Variants in FAF2 observed in about 807,000 individuals in gnomAD.
FAF2 encodes the protein Fas associated factor family member 2, also known as FAS-associated factor 2.
In FAF2, 9 loss-of-function variants were observed where a neutral mutation model predicts 62.3. The observed-to-expected ratio is 0.14, with a 90% CI of 0.09 to 0.25. FAF2 has a LOEUF of 0.25. Ranked by LOEUF, FAF2 falls within the 10% of genes least tolerant of loss-of-function variation. The pLI, the probability that FAF2 is intolerant of heterozygous loss-of-function variation, is 1.00. For synonymous variants in FAF2, 202 were observed against 198.0 expected (o/e 1.02, Z -0.17); for missense variants, 368 against 556.2 (o/e 0.66, Z 3.40).
In FAF2 at chr5:176,489,005, T is replaced by C; in HGVS notation, c.322T>C (p.Tyr108His). Residue 108 changes from tyrosine to histidine, a missense_variant, in exon 4 of 11, where the codon TAC (tyrosine) becomes CAC (histidine). This residue lies in a region of FAF2 where 331 missense variants were observed against 441.9 expected (regional missense o/e 0.75). Transcript: ENST00000261942. Reference sequence around the variant, plus strand: ...AATGCTTCCATTCCGGTTTACCTATTACACGATACTTGATATATTTAGGTA... The same window carrying C: ...AATGCTTCCATTCCGGTTTACCTATCACACGATACTTGATATATTTAGGTA... ...LIMLPFRFTY[Y>H]TILDIFRFAL... The C allele has an allele frequency of 6.2e-7, 1 of 1,613,724 alleles. No homozygotes were observed. The highest frequency in any genetic ancestry group is 8.5e-7 in the Non-Finnish European group (1 of 1,179,656).
intron 1 of FAF2, among the ~76,000 whole-genome samples, chr5:176,454,080 A>G (rs539094524): frequency 1.3e-4 from 20 of 150,184 alleles, no homozygotes; most frequent in African/African-American, 4.7e-4. Flanking sequence ...ACTATTATCT[A>G]GTTCACAACA....
At chr5:176,460,316 T>A (rs1758355748) in intron 1 of FAF2, among the ~76,000 whole-genome samples, 1 of 152,200 alleles carries the variant, frequency 6.6e-6, no homozygotes. Context: ...ATCCCCAGAC[T>A]GCTTTCCACA....
In FAF2 at chr5:176,448,439, A is replaced by G; in HGVS notation, c.32A>G (p.Gln11Arg). ...GCGCCTGAGGAGCGGGATCTAACCC[A>G]GGAGCAGACAGAGAAGCTGCTGCAG... MAAPEERDLT[Q>R]EQTEKLLQFQ... Residue 11 changes from glutamine (Q) to arginine (R), a missense_variant, in exon 1 of 11, where the codon CAG becomes CGG. Gln to Arg is a conservative substitution (Grantham distance 43). Coordinates refer to ENST00000261942, the MANE Select transcript of FAF2 (RefSeq NM_014613.3). 6.2e-7 allele frequency: 1 copy of G among 1,607,118 alleles called. No individual in the cohort carries two copies. The highest frequency in any genetic ancestry group is 8.5e-7 in the Non-Finnish European group (1 of 1,177,090).
intron 1 of FAF2, among the ~76,000 whole-genome samples, chr5:176,452,450 C>T (rs1429746038): frequency 3.9e-5 from 6 of 152,114 alleles, no homozygotes; most frequent in African/African-American, 1.4e-4. Flanking sequence ...TTACAAAGTA[C>T]CATAGGTGGT....
At chr5:176,487,417 A>G (rs1264013350) in intron 3 of FAF2, among the ~76,000 whole-genome samples, 2 of 151,992 alleles carry the variant, frequency 1.3e-5, no homozygotes, top group Non-Finnish European at 2.9e-5. Flanking sequence ...TCCTGAGCTC[A>G]AGTTATCTGC....
At position 176,502,720 on chromosome 5, in the gene FAF2, C is replaced by G. The variant is rs570351961; in HGVS notation, c.1155+2574C>G. The stretch of plus-strand genomic sequence containing the variant: ...TCATTAACTATTTGATCCTTGAAGA[C>G]TTTTAAATGGGTTCCTCACTAAAAG... On this transcript the variant is annotated intron_variant, in intron 10 of 10. Transcript: ENST00000261942. 2.0e-5 allele frequency among the ~76,000 whole-genome samples: 3 copies of G among 152,170 alleles called. No individual in the cohort carries two copies. In the East Asian group the frequency reaches 5.8e-4, roughly 30 times the overall value.
At chr5:176,481,130 T>C (rs547951223) in intron 2 of FAF2, among the ~76,000 whole-genome samples, 3 of 152,032 alleles carry the variant, frequency 2.0e-5, no homozygotes, top group Non-Finnish European at 2.9e-5. Context: ...CACTGCAACC[T>C]CCGCCTCCCG....
At chr5:176,466,267 C>CAAT in intron 1 of FAF2, among the ~76,000 whole-genome samples, 1 of 152,272 alleles carries the variant, frequency 6.6e-6, no homozygotes, top group Non-Finnish European at 1.5e-5. Flanking sequence ...GGCATACTGC[C>CAAT]TATTACATAA....
chr5:176,500,121 G>A lies in FAF2; in HGVS notation c.1130G>A (p.Arg377Gln). The change falls in exon 10 of 11, where the codon CGA becomes CAA. Residue 377 changes from arginine to glutamine, a missense_variant. Arg to Gln is a conservative substitution (Grantham distance 43). This residue lies in a region of FAF2 where 37 missense variants were observed against 114.3 expected (regional missense o/e 0.32). Coordinates refer to ENST00000261942, the MANE Select transcript of FAF2 (RefSeq NM_014613.3). The stretch of plus-strand genomic sequence containing the variant: ...CCTAATGATTCTCGAGTAGAGAGAC[G>A]ATTCCACTTTTCACAGTCTCTAACA... Reference protein sequence around the residue: ...KLPNDSRVERRFHFSQSLTVI... With the variant: ...KLPNDSRVERQFHFSQSLTVI... The A allele has an allele frequency of 1.2e-6, 2 of 1,614,030 alleles. No homozygotes were observed. The highest frequency in any genetic ancestry group is 1.7e-6 in the Non-Finnish European group (2 of 1,179,946).
intron 1 of FAF2, among the ~76,000 whole-genome samples, chr5:176,460,987 C>T (rs1352903422): frequency 1.3e-5 from 2 of 148,364 alleles, no homozygotes; most frequent in African/African-American, 5.0e-5. Flanking sequence ...TGTTCATGTA[C>T]TTTTGCACCC....
intron 1 of FAF2, among the ~76,000 whole-genome samples, chr5:176,473,211 GGT>G (rs1758605145): frequency 1.3e-5 from 2 of 152,116 alleles, no homozygotes; most frequent in African/African-American, 4.8e-5. Context: ...TCACATCTTA[GGT>G]TCCTCTGGGC....
intron 10 of FAF2, among the ~76,000 whole-genome samples, chr5:176,504,799 C>T (rs1343431551): frequency 6.6e-6 from 1 of 152,014 alleles, no homozygotes; most frequent in Non-Finnish European, 1.5e-5. Context: ...TATTTAAATT[C>T]TGGATTATAG....
chr5:176,452,720 A>T (rs994131182), intron 1 of FAF2, among the ~76,000 whole-genome samples: 2 of 152,238 alleles, frequency 1.3e-5, no homozygotes, highest in Non-Finnish European at 2.9e-5. Flanking sequence ...GGACAATAAG[A>T]CTAGAAAGGT....
intron 1 of FAF2, among the ~76,000 whole-genome samples, chr5:176,466,643 A>G (rs1480249431): frequency 1.3e-5 from 2 of 152,246 alleles, no homozygotes; most frequent in Non-Finnish European, 2.9e-5. Context: ...CTTTAGCAAG[A>G]GATAGATCGG....
At chr5:176,485,982 A>G (rs922526533) in intron 2 of FAF2, among the ~76,000 whole-genome samples, 2 of 152,246 alleles carry the variant, frequency 1.3e-5, no homozygotes, top group African/African-American at 4.8e-5. Context: ...GCTTCACTGC[A>G]TAACTCCAGG....
In FAF2 at chr5:176,507,052, A is replaced by G. The variant is rs1581079476; in HGVS notation, c.*102A>G. ...AAAAAAAAACAAGAGAGAGAAATTC[A>G]TATTATTATTATTATTATAATACAA... On this transcript the variant is annotated 3_prime_UTR_variant, in exon 11 of 11. Coordinates refer to ENST00000261942, the MANE Select transcript of FAF2 (RefSeq NM_014613.3). The G allele has an allele frequency of 3.1e-6, 2 of 651,812 alleles. No individual in the cohort carries two copies. Among genetic ancestry groups the G allele is most frequent in the African/African-American group, 3.8e-5 (2 of 52,702 alleles). The allele number at this position is 651,812 out of a possible 1,614,324, so 40.4% of individuals were successfully genotyped here.
intron 1 of FAF2, among the ~76,000 whole-genome samples, chr5:176,471,469 G>A (rs1758567890): frequency 2.1e-5 from 3 of 142,996 alleles, no homozygotes; most frequent in South Asian, 2.2e-4. Context: ...TGCAAACTCT[G>A]CCTCCCGGGT....
chr5:176,461,498 AT>A (rs879945081), intron 1 of FAF2, among the ~76,000 whole-genome samples: 52 of 142,178 alleles, frequency 3.7e-4, no homozygotes, highest in Admixed American at 4.2e-4. Flanking sequence ...TTTTTATTTT[AT>A]TTTTTTTTTT....
intron 4 of FAF2, among the ~76,000 whole-genome samples, chr5:176,490,996 C>T (rs1758963240): frequency 3.3e-5 from 5 of 152,134 alleles, no homozygotes; most frequent in Admixed American, 3.3e-4. Context: ...ACGTTGTTGT[C>T]AATGAATTTG....
Sources: gnomAD v4.1 joint callset for allele counts (sites outside exome capture counted in the v4.1 genomes callset) on GRCh38, gnomAD v4.1.1 for gene constraint, gnomAD v4.1.1 regional missense constraint, MANE v1.5 for transcripts, NCBI Gene and HGNC (gene_info 2026-07-23, HGNC 2026-07-21) for gene names.